Variants in RFTN1 observed in about 807,000 individuals in gnomAD.
RFTN1 encodes the protein raftlin, lipid raft linker 1.
Under a neutral mutation model 46.5 loss-of-function variants are expected in RFTN1, and 26 were observed. The ratio of observed to expected loss-of-function variants is 0.56; its 90% CI spans 0.41 to 0.78. The LOEUF (loss-of-function observed/expected upper bound fraction) is 0.78. Among genes scored for constraint, RFTN1 ranks in the 30% least tolerant of loss-of-function variants. RFTN1 has a pLI of 0.00. For missense variants in RFTN1, 693 were observed against 718.7 expected (o/e 0.96, Z 0.41); for synonymous variants, 261 against 284.2 (o/e 0.92, Z 0.82).
Position 16,484,091 on chromosome 3 carries a change from T to C in RFTN1, c.145+9634A>G, listed in dbSNP as rs916613791. ...TTCACGAAATCAGAAAGGCTAATAG[T>C]GCCAGGATTTATAACTAGCCATTAG... On this transcript the variant is annotated intron_variant, in intron 2 of 9. Coordinates refer to ENST00000334133, the MANE Select transcript of RFTN1 (RefSeq NM_015150.2). The surrounding 1 kb of genome is among the most constrained non-coding windows in gnomAD (Gnocchi z 4.6). Among the ~76,000 whole-genome samples, 7 of 152,358 alleles carry C rather than the reference T, an allele frequency of 4.6e-5. No homozygotes were observed. Among genetic ancestry groups the C allele is most frequent in the South Asian group, 2.1e-4 (1 of 4,828 alleles).
chr3:16,502,600 G>A lies in RFTN1; in HGVS notation c.-8-8723C>T, dbSNP rs187929375. On this transcript the variant is annotated intron_variant, in intron 1 of 9. Transcript: ENST00000334133. ...TAGGAAACATTGTGGGTTCTACCTC[G>A]CTCTCCTAGATCTCTCGTTCTGGGG... Among the ~76,000 whole-genome samples the A allele has an allele frequency of 8.6e-4, 131 of 152,262 alleles. 1 individual carries two copies. The highest frequency in any genetic ancestry group is 1.5e-3 in the Non-Finnish European group (102 of 68,020).
At position 16,317,047 on chromosome 3, in the gene RFTN1, C is replaced by T. The variant is rs777059989; in HGVS notation, c.1518G>A (p.Glu506=). Residue 506 remains glutamate, a synonymous_variant, in exon 10 of 10, where the codon GAG becomes GAA. Coordinates refer to ENST00000334133, the MANE Select transcript of RFTN1 (RefSeq NM_015150.2). This position sits in a 1 kb window ranked among gnomAD's most constrained non-coding sequence, Gnocchi z 4.3. Reference sequence around the variant, plus strand: ...CCTCTTGGACAGGGCCCTTCATCTCCTCGGAGACTCCACCCTCCTGCTGCT... The same window carrying T: ...CCTCTTGGACAGGGCCCTTCATCTCTTCGGAGACTCCACCCTCCTGCTGCT... ...SGQQQEGGVS[E]EMKGPVQEDK... is the part of the protein sequence containing the mutation. The T allele has an allele frequency of 6.2e-7, 1 of 1,613,954 alleles. No individual in the cohort carries two copies. The highest frequency in any genetic ancestry group is 1.7e-5 in the Admixed American group (1 of 60,010).
chr3:16,496,227 G>C (rs2124997287), intron 1 of RFTN1, among the ~76,000 whole-genome samples: 1 of 152,360 alleles, frequency 6.6e-6, no homozygotes, highest in East Asian at 1.9e-4. Context: ...CACCATGGCA[G>C]CTTTCAAGCT....
In RFTN1 at chr3:16,347,259, G is replaced by A. The variant is rs191679671; in HGVS notation, c.1146+10673C>T. On this transcript the variant is annotated intron_variant, in intron 7 of 9. Transcript: ENST00000334133. Reference sequence around the variant, plus strand: ...CATACTGTCAAGGACACCCTACAGGGCAACCCTGGAGAGACGTCCATGCAT... The same window carrying A: ...CATACTGTCAAGGACACCCTACAGGACAACCCTGGAGAGACGTCCATGCAT... Among the ~76,000 whole-genome samples the A allele has an allele frequency of 3.7e-3, 569 of 152,322 alleles. 1 individual carries two copies. Among genetic ancestry groups the A allele is most frequent in the South Asian group, 0.01 (50 of 4,818 alleles).
chr3:16,502,327 T>C (rs951839192), intron 1 of RFTN1, among the ~76,000 whole-genome samples: 16 of 149,756 alleles, frequency 1.1e-4, no homozygotes, highest in African/African-American at 3.9e-4. Context: ...CGCCACTGCA[T>C]GATTGTGCCA....
intron 2 of RFTN1, among the ~76,000 whole-genome samples, chr3:16,435,095 T>G (rs2075477122): frequency 6.6e-6 from 1 of 152,244 alleles, no homozygotes; most frequent in African/African-American, 2.4e-5. Context: ...AGCCCTATCC[T>G]CTACCTCCTA....
rs1414382813 is a variant in RFTN1, at chr3:16,382,186, A to G, written c.442-4084T>C. ...AGAATTAATGAATGAAGGGATATTAACTTTTCAAAGGCTTGGCAGAGGCTG... is the reference window on the plus strand; with the variant it reads ...AGAATTAATGAATGAAGGGATATTAGCTTTTCAAAGGCTTGGCAGAGGCTG... On this transcript the variant is annotated intron_variant, in intron 4 of 9. Transcript: ENST00000334133. The surrounding 1 kb of genome is among the most constrained non-coding windows in gnomAD (Gnocchi z 4.7). 6.6e-6 allele frequency among the ~76,000 whole-genome samples: 1 copy of G among 152,222 alleles called. No homozygotes were observed. Among genetic ancestry groups the G allele is most frequent in the Non-Finnish European group, 1.5e-5 (1 of 68,040 alleles).
Position 16,418,003 on chromosome 3 carries a change from G to A in RFTN1, c.333-8520C>T, listed in dbSNP as rs1182258302. ...ATTACAGGTGTGAGCAACCATGCCC[G>A]GCCTTGTCTGACCCATTTAAACAGC... On this transcript the variant is annotated intron_variant, in intron 3 of 9. Transcript: ENST00000334133. This position sits in a 1 kb window ranked among gnomAD's most constrained non-coding sequence, Gnocchi z 5.0. Among the ~76,000 whole-genome samples the A allele has an allele frequency of 6.6e-6, 1 of 152,130 alleles. No homozygotes were observed. Among genetic ancestry groups the A allele is most frequent in the Non-Finnish European group, 1.5e-5 (1 of 68,026 alleles).
At chr3:16,328,857 T>C (rs1249024911) in intron 7 of RFTN1, among the ~76,000 whole-genome samples, 2 of 152,234 alleles carry the variant, frequency 1.3e-5, no homozygotes. Context: ...CTATCAGCTG[T>C]TGCCTCAAAT....
chr3:16,386,948 T>C (rs2074199738), intron 4 of RFTN1, among the ~76,000 whole-genome samples: 1 of 152,130 alleles, frequency 6.6e-6, no homozygotes, highest in Admixed American at 6.5e-5. Flanking sequence ...GTCAAACAAC[T>C]GAAGCAAAAA....
chr3:16,495,090 C>A (rs2076603289), intron 1 of RFTN1, among the ~76,000 whole-genome samples: 1 of 152,062 alleles, frequency 6.6e-6, no homozygotes, highest in East Asian at 1.9e-4. Flanking sequence ...TAAAAAAAGT[C>A]TGAAAGAATG....
chr3:16,505,687 A>T (rs1559380890), intron 1 of RFTN1, among the ~76,000 whole-genome samples: 2 of 152,196 alleles, frequency 1.3e-5, no homozygotes, highest in Non-Finnish European at 2.9e-5. Context: ...CACATGATGG[A>T]GGGTGATCTG....
chr3:16,412,113 A>C (rs1487231841), intron 3 of RFTN1, among the ~76,000 whole-genome samples: 1 of 152,260 alleles, frequency 6.6e-6, no homozygotes, highest in Non-Finnish European at 1.5e-5. Context: ...GATCAAGAAA[A>C]ATAGGCATTA....
At position 16,480,179 on chromosome 3, in the gene RFTN1, C is replaced by T. The variant is rs2076342440; in HGVS notation, c.145+13546G>A. Among the ~76,000 whole-genome samples the T allele has an allele frequency of 6.6e-6, 1 of 152,240 alleles. No individual in the cohort carries two copies. Reference sequence around the variant, plus strand: ...TGCTTTCTCCAAAAAGAAAAGTCCACCCACAAGCTTGCCAGCTCCCTTGGG... The same window carrying T: ...TGCTTTCTCCAAAAAGAAAAGTCCATCCACAAGCTTGCCAGCTCCCTTGGG... On this transcript the variant is annotated intron_variant, in intron 2 of 9. Coordinates refer to ENST00000334133, the MANE Select transcript of RFTN1 (RefSeq NM_015150.2). The surrounding 1 kb of genome is among the most constrained non-coding windows in gnomAD (Gnocchi z 4.3).
chr3:16,435,782 A>G (rs2075498077), intron 2 of RFTN1, among the ~76,000 whole-genome samples: 1 of 152,112 alleles, frequency 6.6e-6, no homozygotes, highest in Non-Finnish European at 1.5e-5. Context: ...ATACAAAATA[A>G]ATTCCTAGAT....
chr3:16,496,459 G>A (rs1178564866), intron 1 of RFTN1, among the ~76,000 whole-genome samples: 1 of 152,184 alleles, frequency 6.6e-6, no homozygotes. Flanking sequence ...ATATGCAAAT[G>A]GCCAAGGAAC....
intron 7 of RFTN1, among the ~76,000 whole-genome samples, chr3:16,357,313 C>T (rs561570896): frequency 6.6e-6 from 1 of 152,264 alleles, no homozygotes; most frequent in African/African-American, 2.4e-5. Context: ...AAATTAGCTC[C>T]TCCAAAGTCC....
Position 16,493,726 on chromosome 3 carries a change from A to G in RFTN1, c.144T>C (p.Ala48=). 1.3e-6 allele frequency: 2 copies of G among 1,584,250 alleles called. No homozygotes were observed. The highest frequency in any genetic ancestry group is 1.7e-6 in the Non-Finnish European group (2 of 1,167,770). The part of the protein sequence containing the change: ...YRFLEFTTLS[A]AELPGSSAVR... ...TCCATTCCCACCCCATGTACTCACC[A>G]GCACTCAGAGTCGTGAACTCCAGGA... The change falls in exon 2 of 10, where the codon GCT becomes GCC. Residue 48 remains alanine, a splice_region_variant and synonymous_variant. Coordinates refer to ENST00000334133, the MANE Select transcript of RFTN1 (RefSeq NM_015150.2).
chr3:16,329,175 G>A lies in RFTN1; in HGVS notation c.1147-2299C>T, dbSNP rs538960274. Among the ~76,000 whole-genome samples the A allele has an allele frequency of 1.7e-4, 26 of 152,326 alleles. No homozygotes were observed. The highest frequency in any genetic ancestry group is 4.8e-4 in the African/African-American group (20 of 41,586). On this transcript the variant is annotated intron_variant, in intron 7 of 9. Transcript: ENST00000334133. The surrounding 1 kb of genome is among the most constrained non-coding windows in gnomAD (Gnocchi z 4.5). ...TCTCTCCCCTCTTTTCTGCGCTTCCGCCTCGGGATGACGCAGCAAGAAGGC... is the reference window on the plus strand; with the variant it reads ...TCTCTCCCCTCTTTTCTGCGCTTCCACCTCGGGATGACGCAGCAAGAAGGC...
Sources: allele counts gnomAD v4.1 joint callset (sites outside exome capture counted in the v4.1 genomes callset), GRCh38; gene constraint gnomAD v4.1.1; non-coding constraint Gnocchi (gnomAD v3.1); transcripts MANE v1.5; gene names NCBI Gene and HGNC (gene_info 2026-07-23, HGNC 2026-07-21).